CSN1S1: variants seen among roughly 807,000 people sequenced by gnomAD.
CSN1S1 encodes the protein alpha-S1-casein.
A neutral mutation model predicts 49.1 loss-of-function variants in CSN1S1; 63 were observed. The ratio of observed to expected loss-of-function variants is 1.28; its 90% CI spans 1.05 to 1.58. CSN1S1 has a LOEUF of 1.58. CSN1S1 is among the 40% of genes most tolerant of loss of function. The pLI is 0.00. For synonymous variants in CSN1S1, 78 were observed against 67.1 expected (o/e 1.16, Z -0.79); for missense variants, 260 against 224.7 (o/e 1.16, Z -1.01).
At chr4:69,942,800 G>C (rs1445137508) in intron 14 of CSN1S1, among the ~76,000 whole-genome samples, 1 of 151,754 alleles carries the variant, frequency 6.6e-6, no homozygotes, top group Admixed American at 6.6e-5. Context: ...AACAATATGT[G>C]TCTATCAATT....
rs182506688 is a variant in CSN1S1, at chr4:69,941,831, T to A, written c.343-215T>A. On this transcript the variant is annotated intron_variant, in intron 12 of 15. Coordinates refer to ENST00000246891, the MANE Select transcript of CSN1S1 (RefSeq NM_001890.2). ...TTATTGATCTAGAAAATTACCTGAA[T>A]AATATATTTTAGTACCATAGATATG... Among the ~76,000 whole-genome samples, 127 of 151,978 alleles carry A rather than the reference T, an allele frequency of 8.4e-4. 1 individual carries two copies. The highest frequency in any genetic ancestry group is 2.8e-3 in the African/African-American group (118 of 41,524).
At chr4:69,936,312 A>G (rs72852682) in intron 5 of CSN1S1, 144 bp from the exon 6 acceptor site, 23,420 of 712,044 alleles carry the variant, frequency 0.033, 548 homozygotes, top group African/African-American at 0.084. Flanking sequence ...AAATGATATA[A>G]TAAGGAATAT....
intron 4 of CSN1S1, among the ~76,000 whole-genome samples, chr4:69,935,368 G>A (rs1017462969): frequency 3.3e-5 from 5 of 149,838 alleles, no homozygotes; most frequent in African/African-American, 9.8e-5. Context: ...ACCAAACCCC[G>A]TCTCTACAAA....
intron 4 of CSN1S1, among the ~76,000 whole-genome samples, chr4:69,935,497 T>C (rs1049992929): frequency 2.0e-5 from 3 of 151,652 alleles, no homozygotes; most frequent in African/African-American, 7.3e-5. Flanking sequence ...CTGCAATGAG[T>C]CGTGATAGCA....
chr4:69,941,079 T>G lies in CSN1S1; in HGVS notation c.342+19T>G, dbSNP rs566968651. On this transcript the variant is annotated intron_variant, in intron 12 of 15. Transcript: ENST00000246891. ...TCAGCTGGTAATATTTTATTCATTA[T>G]AATACAAAATCATATTCTACTATAG... is the stretch of plus-strand genomic sequence containing the variant. 4 of 1,294,210 alleles carry G rather than the reference T, an allele frequency of 3.1e-6. No individual in the cohort carries two copies. The highest frequency in any genetic ancestry group is 2.1e-5 in the Admixed American group (1 of 47,080). The allele number at this position is 1,294,210 out of a possible 1,614,324, so 80.2% of individuals were successfully genotyped here.
intron 15 of CSN1S1, among the ~76,000 whole-genome samples, chr4:69,945,453 C>T (rs1723131541): frequency 1.3e-5 from 2 of 151,892 alleles, no homozygotes; most frequent in Admixed American, 6.6e-5. Flanking sequence ...TTTTTGCTTA[C>T]TTGAAATTTT....
chr4:69,932,332 TAAG>T (rs1560384733), intron 1 of CSN1S1, among the ~76,000 whole-genome samples: 1 of 151,926 alleles, frequency 6.6e-6, no homozygotes, highest in African/African-American at 2.4e-5. Flanking sequence ...CTAAATAATA[TAAG>T]AACTAAGAAA....
chr4:69,934,728 G>C lies in CSN1S1; in HGVS notation c.105+18G>C, dbSNP rs781346864. The C allele has an allele frequency of 3.1e-6, 5 of 1,605,356 alleles. No individual in the cohort carries two copies. The South Asian group carries it at 5.5e-5, about 18-fold the overall frequency. ...GCAGTGAGGTAAGCTCTGTTTATGG[G>C]GAGTCAGGATTCTCTCTTCCTTTTG... On this transcript the variant is annotated intron_variant, in intron 4 of 15. Transcript: ENST00000246891.
chr4:69,939,259 G>A (rs1040574202), intron 10 of CSN1S1, 51 bp downstream of exon 10: 2 of 1,363,086 alleles, frequency 1.5e-6, no homozygotes, highest in African/African-American at 1.4e-5. Context: ...AAAAAATTAT[G>A]AAAACTTGTA....
chr4:69,938,438 C>T (rs754102142), intron 9 of CSN1S1, among the ~76,000 whole-genome samples: 7 of 130,874 alleles, frequency 5.3e-5, no homozygotes, highest in Non-Finnish European at 1.2e-4. Flanking sequence ...TTTGTCAACC[C>T]ACGCCCCTCT....
intron 13 of CSN1S1, 66 bp from the exon 14 acceptor site, chr4:69,942,470 A>G (rs1398960168): frequency 1.7e-6 from 2 of 1,212,074 alleles, no homozygotes; most frequent in South Asian, 2.6e-5. Flanking sequence ...TTCTGGTGCA[A>G]TGTAAGATAA....
chr4:69,931,659 C>A (rs1440671084), intron 1 of CSN1S1, among the ~76,000 whole-genome samples: 2 of 151,206 alleles, frequency 1.3e-5, no homozygotes, highest in South Asian at 2.1e-4. Flanking sequence ...TATTTGGGTT[C>A]AAAAATATGC....
At chr4:69,939,353 C>A (rs1340215572) in intron 10 of CSN1S1, 145 bp downstream of exon 10, 6 of 447,102 alleles carry the variant, frequency 1.3e-5, no homozygotes, top group African/African-American at 1.0e-4. Context: ...ATGTGAGTAG[C>A]TATCCAAAAG....
chr4:69,932,449 T>C (rs1006336696), intron 1 of CSN1S1, 95 bp from the exon 2 acceptor site: 1 of 1,035,184 alleles, frequency 9.7e-7, no homozygotes, highest in East Asian at 2.6e-5. Context: ...ACTTTTATCA[T>C]AATTTGCTCC....
At chr4:69,932,369 A>G (rs1301653534) in intron 1 of CSN1S1, among the ~76,000 whole-genome samples, 175 bp from the exon 2 acceptor site, 1 of 151,956 alleles carries the variant, frequency 6.6e-6, no homozygotes, top group Non-Finnish European at 1.5e-5. Context: ...GTAAACATTG[A>G]TATTGAGTAG....
intron 1 of CSN1S1, among the ~76,000 whole-genome samples, chr4:69,931,817 A>G (rs1270227119): frequency 6.6e-6 from 1 of 151,886 alleles, no homozygotes; most frequent in Admixed American, 6.6e-5. Context: ...CCATTTTCCC[A>G]GTACATGTGG....
At chr4:69,937,194 A>T in intron 8 of CSN1S1, 50 bp downstream of exon 8, 1 of 1,218,662 alleles carries the variant, frequency 8.2e-7, no homozygotes, top group Non-Finnish European at 1.1e-6. Context: ...GAAAAGAAAC[A>T]ATACATATTT....
At chr4:69,934,662 A>G (rs771328729) in intron 3 of CSN1S1, 28 bp from the exon 4 acceptor site, 6 of 1,595,768 alleles carry the variant, frequency 3.8e-6, no homozygotes, top group Non-Finnish European at 2.6e-6. Context: ...TTGGAATAAT[A>G]CCATTTAAAA....
At position 69,934,612 on chromosome 4, in the gene CSN1S1, C is replaced by A. The variant is rs973166945; in HGVS notation, c.85-78C>A. 8 of 1,371,584 alleles carry A rather than the reference C, an allele frequency of 5.8e-6. No individual in the cohort carries two copies. In the Admixed American group the frequency reaches 1.4e-4, roughly 24 times the overall value. 85.0% of individuals were successfully genotyped at this position (1,371,584 alleles called of 1,614,324 possible). A position where few individuals can be genotyped will look rare whatever the true frequency, so the allele number is the denominator to read the frequency against. On this transcript the variant is annotated intron_variant, in intron 3 of 15. Coordinates refer to ENST00000246891, the MANE Select transcript of CSN1S1 (RefSeq NM_001890.2). ...CTTGAATTAGTTACCTCTACCACAA[C>A]TTTCTATGAGCACAACTAATCCTAC...
Sources: gnomAD v4.1 joint callset for allele counts (sites outside exome capture counted in the v4.1 genomes callset) on GRCh38, gnomAD v4.1.1 for gene constraint, MANE v1.5 for transcripts, NCBI Gene and HGNC (gene_info 2026-07-23, HGNC 2026-07-21) for gene names.